GRM1: variants seen among roughly 807,000 people sequenced by gnomAD.
GRM1 encodes glutamate metabotropic receptor 1, also known as metabotropic glutamate receptor 1.
Under a neutral mutation model 90.9 loss-of-function variants are expected in GRM1, and 33 were observed. The ratio of observed to expected loss-of-function variants is 0.36; its 90% confidence interval spans 0.28 to 0.49. GRM1 has a LOEUF of 0.49. Ranked by LOEUF, GRM1 falls within the 20% of genes least tolerant of loss-of-function variation. The pLI is 0.99. For synonymous variants in GRM1, 700 were observed against 613.2 expected (o/e 1.14, Z -2.09); for missense variants, 1,190 against 1,534.3 (o/e 0.78, Z 3.75).
chr6:146,097,307 A>G (rs2128869368), intron 1 of GRM1, among the ~76,000 whole-genome samples: 1 of 152,206 alleles, frequency 6.6e-6, no homozygotes, highest in Non-Finnish European at 1.5e-5. Flanking sequence ...TATTCTGGAT[A>G]AATTAGTTGA....
At chr6:146,293,675 A>G (rs1783075807) in intron 2 of GRM1, among the ~76,000 whole-genome samples, 1 of 151,926 alleles carries the variant, frequency 6.6e-6, no homozygotes, top group African/African-American at 2.4e-5. Flanking sequence ...TTGAGTTTAT[A>G]TAAGATAACA....
chr6:146,342,805 T>G (rs887864341), intron 3 of GRM1, among the ~76,000 whole-genome samples: 6 of 152,250 alleles, frequency 3.9e-5, no homozygotes, highest in Admixed American at 3.9e-4. Context: ...CATTTTAGAA[T>G]ACTGTTAAAG....
intron 1 of GRM1, among the ~76,000 whole-genome samples, chr6:146,147,867 G>T (rs1169114236): frequency 1.3e-5 from 2 of 151,972 alleles, no homozygotes; most frequent in Non-Finnish European, 2.9e-5. Context: ...GTCTCATTGA[G>T]TCTTCAACTT....
intron 5 of GRM1, among the ~76,000 whole-genome samples, chr6:146,371,661 C>A (rs992619138): frequency 6.6e-6 from 1 of 151,950 alleles, no homozygotes; most frequent in Non-Finnish European, 1.5e-5. Flanking sequence ...CTACTATGTC[C>A]GTGAGTTCAA....
chr6:146,175,202 T>C (rs1778296745), intron 2 of GRM1, among the ~76,000 whole-genome samples: 1 of 152,226 alleles, frequency 6.6e-6, no homozygotes, highest in African/African-American at 2.4e-5. Flanking sequence ...AACAGACCCA[T>C]AGTATTTGCA....
intron 1 of GRM1, among the ~76,000 whole-genome samples, chr6:146,116,493 A>G (rs1023745411): frequency 1.3e-5 from 2 of 152,066 alleles, no homozygotes; most frequent in Admixed American, 1.3e-4. Context: ...ATCCTTCTAT[A>G]TGTGCTTTAC....
At chr6:146,028,358 T>C (rs962628252), upstream of GRM1, among the ~76,000 whole-genome samples, 1 of 151,764 alleles carries the variant, frequency 6.6e-6, no homozygotes, top group African/African-American at 2.4e-5. Context: ...AAAGCGTCCC[T>C]TGCAGGCCCT....
At chr6:146,058,750 C>T (rs1164902470) in intron 1 of GRM1, among the ~76,000 whole-genome samples, 1 of 152,114 alleles carries the variant, frequency 6.6e-6, no homozygotes, top group African/African-American at 2.4e-5. Context: ...GCCTTGTCAA[C>T]TAAGTTTATG....
intron 2 of GRM1, among the ~76,000 whole-genome samples, chr6:146,218,989 A>T (rs1364341450): frequency 1.3e-5 from 2 of 152,174 alleles, no homozygotes; most frequent in East Asian, 3.8e-4. Flanking sequence ...TTCATCTTTG[A>T]AGAGCTAAAT....
At chr6:146,176,588 T>A (rs779642912) in intron 2 of GRM1, among the ~76,000 whole-genome samples, 1 of 151,944 alleles carries the variant, frequency 6.6e-6, no homozygotes, top group African/African-American at 2.4e-5. Context: ...CTTGGCTCTG[T>A]CTCCTGTAGA....
At chr6:146,314,055 T>C (rs1783872562) in intron 3 of GRM1, among the ~76,000 whole-genome samples, 1 of 76,004 alleles carries the variant, frequency 1.3e-5, no homozygotes. Context: ...TAATTCCTTT[T>C]TTTTTTTTTT....
At chr6:146,323,266 T>C (rs560268969) in intron 3 of GRM1, among the ~76,000 whole-genome samples, 84 of 152,352 alleles carry the variant, frequency 5.5e-4, no homozygotes, top group African/African-American at 2.0e-3. Context: ...TTCCTGACTT[T>C]TTAATGATTG....
At chr6:146,028,223 G>T (rs1405475613), upstream of GRM1, among the ~76,000 whole-genome samples, 1 of 145,272 alleles carries the variant, frequency 6.9e-6, no homozygotes, top group African/African-American at 2.6e-5. Flanking sequence ...GGGGACTCGA[G>T]TGGAAGGGAG....
At chr6:146,143,349 G>A (rs551509450) in intron 1 of GRM1, among the ~76,000 whole-genome samples, 4 of 152,302 alleles carry the variant, frequency 2.6e-5, no homozygotes, top group African/African-American at 7.2e-5. Flanking sequence ...GAGACTGAGA[G>A]CTTAGTAATA....
intron 5 of GRM1, among the ~76,000 whole-genome samples, chr6:146,383,121 C>T (rs554747924): frequency 3.3e-5 from 5 of 152,232 alleles, no homozygotes; most frequent in South Asian, 4.1e-4. Flanking sequence ...TGATGCACTT[C>T]GTGCATAAAG....
chr6:146,047,575 G>A (rs1791379435), intron 1 of GRM1, among the ~76,000 whole-genome samples: 2 of 139,178 alleles, frequency 1.4e-5, no homozygotes, highest in Non-Finnish European at 1.6e-5. Flanking sequence ...CATGCCTCAG[G>A]AAAAAAAAAA....
chr6:146,162,586 A>T (rs890857600), intron 2 of GRM1, among the ~76,000 whole-genome samples: 2 of 152,174 alleles, frequency 1.3e-5, no homozygotes, highest in Non-Finnish European at 2.9e-5. Flanking sequence ...TAAGAAATTA[A>T]GTCAAGTAGT....
chr6:146,115,199 G>A (rs1775696037), intron 1 of GRM1, among the ~76,000 whole-genome samples: 1 of 150,434 alleles, frequency 6.6e-6, no homozygotes. Context: ...GAATCACAGG[G>A]CTGTTTTGAG....
At chr6:146,124,231 A>G (rs1776110246) in intron 1 of GRM1, among the ~76,000 whole-genome samples, 2 of 152,206 alleles carry the variant, frequency 1.3e-5, no homozygotes, top group African/African-American at 4.8e-5. Context: ...TTTCCAAAGG[A>G]TAAATTGATT....
Sources: gnomAD v4.1 joint callset for allele counts (sites outside exome capture counted in the v4.1 genomes callset) on GRCh38, gnomAD v4.1.1 for gene constraint, MANE v1.5 for transcripts, NCBI Gene and HGNC (gene_info 2026-07-23, HGNC 2026-07-21) for gene names.